Variants in LGSN observed in about 807,000 individuals in gnomAD.
The protein encoded by LGSN is lengsin, lens protein with glutamine synthetase domain, also known as lengsin.
In LGSN, 21 loss-of-function variants were observed where a neutral mutation model predicts 19.5. That is an observed-to-expected ratio of 1.07 (90% CI 0.76 to 1.55). The LOEUF is 1.55. Ranked by LOEUF, LGSN falls within the 40% of genes most tolerant of loss-of-function variation. The pLI, the probability that LGSN is intolerant of heterozygous loss-of-function variation, is 0.00. For missense variants in LGSN, 673 were observed against 608.5 expected (o/e 1.11, Z -1.12); for synonymous variants, 257 against 215.6 (o/e 1.19, Z -1.68).
chr6:63,572,433 T>A, the LGSN span: 2 of 365,452 alleles, frequency 5.5e-6, no homozygotes, highest in Non-Finnish European at 9.7e-6. Context: ...GGCTGGAGGG[T>A]TGCACGTCGC....
At chr6:63,405,321 A>T in the LGSN span, among the ~76,000 whole-genome samples, 1 of 152,204 alleles carries the variant, frequency 6.6e-6, no homozygotes, top group Non-Finnish European at 1.5e-5. Flanking sequence ...GTATATACCC[A>T]GTAATGGGAT....
At chr6:63,553,335 C>T in the LGSN span, among the ~76,000 whole-genome samples, 2 of 152,212 alleles carry the variant, frequency 1.3e-5, no homozygotes, top group African/African-American at 4.8e-5. Flanking sequence ...GACTCGGGTT[C>T]AGATAGAATC....
At chr6:63,509,506 G>A in the LGSN span, among the ~76,000 whole-genome samples, 3 of 152,112 alleles carry the variant, frequency 2.0e-5, no homozygotes, top group Admixed American at 1.3e-4. Context: ...TGTAGAAATC[G>A]ACATTAAAAT....
the LGSN span, among the ~76,000 whole-genome samples, chr6:63,469,063 TA>T: frequency 1.3e-5 from 2 of 152,188 alleles, no homozygotes; most frequent in Admixed American, 1.3e-4. Context: ...TTTTTAATTC[TA>T]AAAAATATCC....
At chr6:63,565,125 A>C in the LGSN span, among the ~76,000 whole-genome samples, 9 of 151,574 alleles carry the variant, frequency 5.9e-5, no homozygotes, top group Admixed American at 2.6e-4. Flanking sequence ...CAATCCTCCC[A>C]CCTCAACCTC....
At chr6:63,288,892 G>A (rs569959280) in intron 2 of LGSN, among the ~76,000 whole-genome samples, 5 of 152,184 alleles carry the variant, frequency 3.3e-5, no homozygotes, top group Non-Finnish European at 7.4e-5. Context: ...TTTAAAGAAC[G>A]TATCTCCAAA....
At chr6:63,453,444 T>C in the LGSN span, among the ~76,000 whole-genome samples, 1 of 152,306 alleles carries the variant, frequency 6.6e-6, no homozygotes, top group African/African-American at 2.4e-5. Context: ...CTTCAGGTAT[T>C]TAGGAGCTCT....
chr6:63,457,733 G>A, the LGSN span, among the ~76,000 whole-genome samples: 3 of 152,048 alleles, frequency 2.0e-5, no homozygotes, highest in South Asian at 6.2e-4. Context: ...CAAAAAATTA[G>A]CCAGACATGG....
At chr6:63,512,328 C>G in the LGSN span, among the ~76,000 whole-genome samples, 1 of 152,188 alleles carries the variant, frequency 6.6e-6, no homozygotes. Flanking sequence ...AGTGATCTAC[C>G]TGCCTCGGCC....
At chr6:63,548,949 T>TC in the LGSN span, 9 of 838,684 alleles carry the variant, frequency 1.1e-5, no homozygotes, top group East Asian at 2.4e-5. Flanking sequence ...CAGTCTTGCC[T>TC]CCCCCTTGAT....
the LGSN span, chr6:63,549,145 C>CT: frequency 1.5e-6 from 1 of 686,260 alleles, no homozygotes; most frequent in Non-Finnish European, 2.6e-6. Flanking sequence ...TTGCCAGCAG[C>CT]TTTCTTTTTG....
At chr6:63,444,391 A>G in the LGSN span, among the ~76,000 whole-genome samples, 2 of 152,184 alleles carry the variant, frequency 1.3e-5, no homozygotes, top group Admixed American at 1.3e-4. Flanking sequence ...CCAATGTGTG[A>G]TAGACTAAAA....
the LGSN span, among the ~76,000 whole-genome samples, chr6:63,501,588 G>GA: frequency 1.5e-4 from 22 of 146,732 alleles, no homozygotes; most frequent in East Asian, 6.2e-4. Context: ...TGTCTAATGT[G>GA]AAAAAAAAAA....
the LGSN span, among the ~76,000 whole-genome samples, chr6:63,452,086 G>T: frequency 1.4e-5 from 2 of 147,944 alleles, no homozygotes; most frequent in African/African-American, 5.0e-5. Context: ...CTTCATTAGA[G>T]TAATGCTGGT....
the LGSN span, among the ~76,000 whole-genome samples, chr6:63,351,359 C>T: frequency 6.6e-6 from 1 of 151,246 alleles, no homozygotes; most frequent in African/African-American, 2.4e-5. Flanking sequence ...CAGATATTTG[C>T]TTTATAAATA....
chr6:63,453,878 G>A, the LGSN span, among the ~76,000 whole-genome samples: 1 of 151,854 alleles, frequency 6.6e-6, no homozygotes, highest in Non-Finnish European at 1.5e-5. Context: ...AGATGGTCTC[G>A]GTCTCCTGAC....
the LGSN span, among the ~76,000 whole-genome samples, chr6:63,398,195 ACTC>A: frequency 1.4e-5 from 2 of 141,114 alleles, no homozygotes; most frequent in African/African-American, 5.6e-5. Context: ...TTTAGAGTAT[ACTC>A]CTATTTACTA....
chr6:63,493,957 T>TG, the LGSN span, among the ~76,000 whole-genome samples: 2 of 150,968 alleles, frequency 1.3e-5, no homozygotes, highest in African/African-American at 2.4e-5. Flanking sequence ...ATTTCTTTTT[T>TG]TTTTTTTTTT....
At chr6:63,561,259 T>G in the LGSN span, among the ~76,000 whole-genome samples, 557 of 152,340 alleles carry the variant, frequency 3.7e-3, 3 homozygotes, top group African/African-American at 0.013. Flanking sequence ...TGAGGCTGCA[T>G]GTCCTGATTT....
Sources: allele counts gnomAD v4.1 joint callset (sites outside exome capture counted in the v4.1 genomes callset), GRCh38; gene constraint gnomAD v4.1.1; transcripts MANE v1.5; gene names NCBI Gene and HGNC (gene_info 2026-07-23, HGNC 2026-07-21).